COX6B1: variants seen among roughly 807,000 people sequenced by gnomAD.
COX6B1 encodes COX VIb-1.
COX6B1 carries 2 observed loss-of-function variants against 14.0 expected under a neutral mutation model. The observed-to-expected ratio is 0.14, with a 90% confidence interval of 0.06 to 0.45. The LOEUF (loss-of-function observed/expected upper bound fraction) is 0.45, where lower values mean the gene tolerates loss of function less well. Among genes scored for constraint, COX6B1 ranks in the 20% least tolerant of loss-of-function variants. The pLI, the probability that COX6B1 is intolerant of heterozygous loss-of-function variation, is 0.98. For missense variants in COX6B1, 81 were observed against 114.2 expected, an observed-to-expected ratio of 0.71 and a Z score of 1.33; for synonymous variants, 30 against 39.7, an observed-to-expected ratio of 0.76 and a Z score of 0.92.
chr19:35,656,270 A>G (rs1829693804), intron 3 of COX6B1, among the ~76,000 whole-genome samples: 1 of 152,234 alleles, frequency 6.6e-6, no homozygotes, highest in African/African-American at 2.4e-5. Context: ...AAGTTAAAAC[A>G]TTGATCTTGA....
At chr19:35,650,918 A>G (rs900854014) in intron 1 of COX6B1, among the ~76,000 whole-genome samples, 2 of 151,952 alleles carry the variant, frequency 1.3e-5, no homozygotes, top group Non-Finnish European at 2.9e-5. Context: ...AATAGTTCCT[A>G]CCTTTTAGAG....
chr19:35,656,544 A>G (rs1168630068), intron 3 of COX6B1, among the ~76,000 whole-genome samples: 1 of 146,470 alleles, frequency 6.8e-6, no homozygotes, highest in Admixed American at 7.1e-5. Flanking sequence ...GCAGTGGTGC[A>G]ATCTCAGCTC....
At chr19:35,649,547 C>T (rs1599620297) in intron 1 of COX6B1, among the ~76,000 whole-genome samples, 1 of 151,160 alleles carries the variant, frequency 6.6e-6, no homozygotes, top group South Asian at 2.1e-4. Context: ...GGCACAATCT[C>T]GGCTCACTGC....
intron 2 of COX6B1, among the ~76,000 whole-genome samples, chr19:35,651,955 T>C (rs1166966540): frequency 6.6e-6 from 1 of 152,004 alleles, no homozygotes; most frequent in African/African-American, 2.4e-5. Context: ...AAATGAATAA[T>C]TCTAAAGTGA....
At chr19:35,653,343 G>A (rs1417921470) in intron 2 of COX6B1, among the ~76,000 whole-genome samples, 15 of 148,928 alleles carry the variant, frequency 1.0e-4, no homozygotes, top group African/African-American at 3.5e-4. Flanking sequence ...TACAACCTTG[G>A]CTCACTGCAA....
At position 35,651,721 on chromosome 19, in the gene COX6B1, AC is replaced by A. The variant is rs1317401340; in HGVS notation, c.106+373del. ...CGAGTAGCTGGGACCACAGGCCCAC[AC>A]TACTGTACTTGGCTAATTTTTTTGT... is the stretch of plus-strand genomic sequence containing the variant. On this transcript the variant is annotated intron_variant, in intron 2 of 3. Transcript: ENST00000649813. 3.3e-5 allele frequency among the ~76,000 whole-genome samples: 5 copies of A among 151,814 alleles called. No homozygotes were observed. The East Asian group carries it at 5.8e-4, about 18-fold the overall frequency.
At position 35,651,302 on chromosome 19, in the gene COX6B1, G is replaced by A. The variant is rs121909602; in HGVS notation, c.59G>A (p.Arg20His). Residue 20 changes from arginine (R) to histidine (H), a missense_variant, in exon 2 of 4, where the codon CGC becomes CAC. Arg to His is a conservative substitution (Grantham distance 29). Transcript: ENST00000649813. The stretch of plus-strand genomic sequence containing the variant: ...TACAAGACCGCCCCTTTTGACAGCC[G>A]CTTCCCCAACCAGAACCAGACTAGA... ...KNYKTAPFDS[R>H]FPNQNQTRNC... 8 of 1,613,990 alleles carry A rather than the reference G, an allele frequency of 5.0e-6. No individual in the cohort carries two copies. Among genetic ancestry groups the A allele is most frequent in the Admixed American group, 3.3e-5 (2 of 60,002 alleles).
intron 1 of COX6B1, among the ~76,000 whole-genome samples, chr19:35,649,173 G>C (rs2146368770): frequency 6.6e-6 from 1 of 152,190 alleles, no homozygotes; most frequent in Admixed American, 6.6e-5. Flanking sequence ...CCGCAGAGTT[G>C]GTAGAATTCA....
rs1237930578 is a variant in COX6B1, at chr19:35,657,829, G to T, written c.208-765G>T. Among the ~76,000 whole-genome samples the T allele has an allele frequency of 2.0e-5, 3 of 151,648 alleles. No homozygotes were observed. The East Asian group carries it at 5.8e-4, about 29-fold the overall frequency. On this transcript the variant is annotated intron_variant, in intron 3 of 3. Coordinates refer to ENST00000649813, the MANE Select transcript of COX6B1 (RefSeq NM_001863.5). ...ATGCCACCATGCCTGGCTAAGTTTT[G>T]TATTTTTTGTAGAGACAGGGTTTTG...
chr19:35,656,459 G>T (rs1165980153), intron 3 of COX6B1, among the ~76,000 whole-genome samples: 1 of 151,560 alleles, frequency 6.6e-6, no homozygotes, highest in Non-Finnish European at 1.5e-5. Context: ...ACTTATTATG[G>T]GCCAGCTATG....
chr19:35,648,476 G>A, intron 1 of COX6B1, 73 bp downstream of exon 1: 1 of 216,088 alleles, frequency 4.6e-6, no homozygotes, highest in Admixed American at 5.3e-5. Flanking sequence ...GCTTCCCTGA[G>A]AACGGGTTGA....
chr19:35,652,673 T>A (rs1332614085), intron 2 of COX6B1, among the ~76,000 whole-genome samples: 1 of 151,634 alleles, frequency 6.6e-6, no homozygotes, highest in Non-Finnish European at 1.5e-5. Context: ...CTTGAACTCC[T>A]GACCTCAGGT....
At chr19:35,654,734 G>A (rs1967868662) in intron 3 of COX6B1, 63 bp downstream of exon 3, 4 of 1,452,886 alleles carry the variant, frequency 2.8e-6, no homozygotes, top group African/African-American at 1.4e-5. Context: ...GGGGAGTGTG[G>A]TGGCTTGGTG....
chr19:35,657,848 G>A (rs895804685), intron 3 of COX6B1, among the ~76,000 whole-genome samples: 1 of 151,880 alleles, frequency 6.6e-6, no homozygotes, highest in Non-Finnish European at 1.5e-5. Flanking sequence ...GTAGAGACAG[G>A]GTTTTGCCAC....
chr19:35,652,646 A>G (rs1480687712), intron 2 of COX6B1, among the ~76,000 whole-genome samples: 1 of 146,696 alleles, frequency 6.8e-6, no homozygotes, highest in African/African-American at 2.5e-5. Flanking sequence ...AGGTTTCACC[A>G]TGTTGATCAG....
intron 3 of COX6B1, among the ~76,000 whole-genome samples, chr19:35,655,093 G>T (rs889065597): frequency 6.7e-6 from 1 of 149,406 alleles, no homozygotes; most frequent in African/African-American, 2.5e-5. Flanking sequence ...GCAGTGGCGC[G>T]ATCTTGCCTC....
intron 3 of COX6B1, among the ~76,000 whole-genome samples, chr19:35,655,621 T>TAA (rs58512153): frequency 0.098 from 14,302 of 146,078 alleles, 792 homozygotes; most frequent in South Asian, 0.19. Context: ...GCCCTTTGTT[T>TAA]AAAAAAAAAA....
At chr19:35,656,450 CTTA>C (rs1967890033) in intron 3 of COX6B1, among the ~76,000 whole-genome samples, 1 of 147,586 alleles carries the variant, frequency 6.8e-6, no homozygotes, top group Admixed American at 6.8e-5. Flanking sequence ...ACCGCTGGCA[CTTA>C]TTATGGGCCA....
In COX6B1 at chr19:35,651,243, C is replaced by T; in HGVS notation, c.-1C>T. 1.9e-6 allele frequency: 3 copies of T among 1,613,182 alleles called. No homozygotes were observed. The highest frequency in any genetic ancestry group is 1.1e-5 in the South Asian group (1 of 91,052). ...TCCTTTCGCCTCCAGGATTCAGCAC[C>T]ATGGCGGAAGACATGGAGACCAAAA... is the stretch of plus-strand genomic sequence containing the variant. On this transcript the variant is annotated 5_prime_UTR_variant, in exon 2 of 4. Coordinates refer to ENST00000649813, the MANE Select transcript of COX6B1 (RefSeq NM_001863.5).
Sources: gnomAD v4.1 joint callset for allele counts (sites outside exome capture counted in the v4.1 genomes callset) on GRCh38, gnomAD v4.1.1 for gene constraint, MANE v1.5 for transcripts, NCBI Gene and HGNC (gene_info 2026-07-23, HGNC 2026-07-21) for gene names.